The following GRID2 variants were observed in gnomAD, a reference collection of about 807,000 sequenced individuals.
GRID2 encodes the protein glutamate receptor ionotropic, delta-2.
GRID2 carries 33 observed loss-of-function variants against 114.8 expected under a neutral mutation model. That is an observed-to-expected ratio of 0.29 (90% CI 0.22 to 0.38). The LOEUF is 0.38. Among genes scored for constraint, GRID2 ranks in the 10% least tolerant of loss-of-function variants. GRID2 has a pLI of 1.00. For synonymous variants in GRID2, 505 were observed against 449.9 expected (o/e 1.12, Z -1.55); for missense variants, 1,184 against 1,257.7 (o/e 0.94, Z 0.89).
chr4:93,387,476 G>A (rs765092025), intron 8 of GRID2, among the ~76,000 whole-genome samples: 14 of 152,152 alleles, frequency 9.2e-5, no homozygotes, highest in Non-Finnish European at 1.8e-4. Flanking sequence ...AATCTCAGCT[G>A]ATAGCTGGTA....
intron 2 of GRID2, among the ~76,000 whole-genome samples, chr4:92,813,658 GCA>G (rs145988327): frequency 6.6e-6 from 1 of 150,388 alleles, no homozygotes. Context: ...ACACACGCAC[GCA>G]CACACACACA....
At chr4:93,298,023 A>T (rs1380959388) in intron 8 of GRID2, among the ~76,000 whole-genome samples, 1 of 152,134 alleles carries the variant, frequency 6.6e-6, no homozygotes, top group Non-Finnish European at 1.5e-5. Context: ...CCCCTTATCT[A>T]ATTACCTTCT....
At chr4:93,688,988 T>G (rs1250719532) in intron 14 of GRID2, among the ~76,000 whole-genome samples, 1 of 151,994 alleles carries the variant, frequency 6.6e-6, no homozygotes, top group East Asian at 1.9e-4. Context: ...ACGGGGTTTT[T>G]AAAGAGGTAA....
rs138075942 is a variant in GRID2 at position 93,350,995 on chromosome 4, G to T, written c.1246-44612G>T. ...ATCTTACATGGAGGCAGGCAAGAGAGTGTGTGCAGGGGAACTCCCATTTAT... is the reference window on the plus strand; with the variant it reads ...ATCTTACATGGAGGCAGGCAAGAGATTGTGTGCAGGGGAACTCCCATTTAT... On this transcript the variant is annotated intron_variant, in intron 8 of 15. Coordinates refer to ENST00000282020, the MANE Select transcript of GRID2 (RefSeq NM_001510.4). Among the ~76,000 whole-genome samples, 1,395 of 152,124 alleles carry T rather than the reference G, an allele frequency of 9.2e-3. 22 individuals carry two copies. The highest frequency in any genetic ancestry group is 0.032 in the African/African-American group (1,324 of 41,524).
At chr4:92,769,054 G>A (rs1165313147) in intron 2 of GRID2, among the ~76,000 whole-genome samples, 2 of 152,148 alleles carry the variant, frequency 1.3e-5, no homozygotes, top group Non-Finnish European at 2.9e-5. Flanking sequence ...GACAAGGCAA[G>A]CCCCTTCTGC....
At chr4:92,509,887 G>C (rs553121866) in intron 1 of GRID2, among the ~76,000 whole-genome samples, 25 of 151,860 alleles carry the variant, frequency 1.6e-4, no homozygotes, top group Admixed American at 3.9e-4. Context: ...CATTCCAAGG[G>C]ATAAGGGAAG....
chr4:93,445,353 G>A (rs1275717480), intron 10 of GRID2, among the ~76,000 whole-genome samples: 2 of 151,944 alleles, frequency 1.3e-5, no homozygotes, highest in East Asian at 3.9e-4. Flanking sequence ...TGATATTTTG[G>A]GCATTTCTTT....
rs191786891 is a variant in GRID2, at chr4:93,264,528, G to T, written c.1245+26038G>T. Among the ~76,000 whole-genome samples the T allele has an allele frequency of 1.2e-3, 175 of 151,526 alleles. 3 individuals carry two copies. Among genetic ancestry groups the T allele is most frequent in the African/African-American group, 4.2e-3 (173 of 41,322 alleles). On this transcript the variant is annotated intron_variant, in intron 8 of 15. Coordinates refer to ENST00000282020, the MANE Select transcript of GRID2 (RefSeq NM_001510.4). ...TTTAGACTGAAAATCTCTTGGGTAT[G>T]TGAAATCCAAAGCACTTACACGAAG...
intron 1 of GRID2, among the ~76,000 whole-genome samples, chr4:93,799,747 A>G (rs1402636219): frequency 2.0e-5 from 3 of 152,154 alleles, no homozygotes; most frequent in African/African-American, 7.2e-5. Context: ...TTATGTAATT[A>G]AAAGTTTAAT....
intron 2 of GRID2, among the ~76,000 whole-genome samples, chr4:92,738,970 A>G (rs990336948): frequency 6.6e-6 from 1 of 152,080 alleles, no homozygotes; most frequent in African/African-American, 2.4e-5. Flanking sequence ...ACACAGTATG[A>G]TTTTCTTTAA....
intron 4 of GRID2, among the ~76,000 whole-genome samples, chr4:93,149,189 AT>A (rs1736514729): frequency 6.6e-6 from 1 of 152,166 alleles, no homozygotes; most frequent in Non-Finnish European, 1.5e-5. Flanking sequence ...AACAATGCAT[AT>A]AAAATTCAAA....
chr4:93,476,362 A>G (rs1331802311), intron 11 of GRID2, among the ~76,000 whole-genome samples: 1 of 152,172 alleles, frequency 6.6e-6, no homozygotes, highest in Non-Finnish European at 1.5e-5. Context: ...ATTGCAGTGT[A>G]TCCCTCAATC....
intron 2 of GRID2, among the ~76,000 whole-genome samples, chr4:92,627,999 A>G (rs1191510870): frequency 2.0e-5 from 3 of 152,154 alleles, no homozygotes; most frequent in African/African-American, 7.2e-5. Context: ...TTTCCACCAT[A>G]CTAATACAGA....
chr4:92,390,635 G>A (rs778003899), intron 1 of GRID2, among the ~76,000 whole-genome samples: 3 of 152,242 alleles, frequency 2.0e-5, no homozygotes, highest in East Asian at 3.9e-4. Flanking sequence ...TAATATAATT[G>A]AAAGGCTATC....
chr4:93,536,470 A>G (rs1732088678), intron 13 of GRID2, among the ~76,000 whole-genome samples: 1 of 151,848 alleles, frequency 6.6e-6, no homozygotes, highest in South Asian at 2.1e-4. Flanking sequence ...AAGTCTCTTT[A>G]ATAGTGTTAG....
intron 1 of GRID2, among the ~76,000 whole-genome samples, chr4:92,582,099 G>A (rs1019838147): frequency 7.2e-5 from 11 of 152,042 alleles, no homozygotes; most frequent in East Asian, 1.9e-4. Context: ...GGAAAATAAC[G>A]AGCCAGATAG....
chr4:92,464,586 AAAG>A (rs934618884), intron 1 of GRID2, among the ~76,000 whole-genome samples: 39 of 152,124 alleles, frequency 2.6e-4, no homozygotes, highest in African/African-American at 8.2e-4. Context: ...ATCCTTAAAA[AAAG>A]GTAATACATG....
At chr4:92,640,152 CA>C (rs946915135) in intron 2 of GRID2, among the ~76,000 whole-genome samples, 12 of 151,568 alleles carry the variant, frequency 7.9e-5, no homozygotes, top group Non-Finnish European at 3.0e-5. Flanking sequence ...CCGTTTTACA[CA>C]AAATGGGCTA....
intron 1 of GRID2, among the ~76,000 whole-genome samples, chr4:92,338,635 C>T (rs976050106): frequency 6.6e-6 from 1 of 151,966 alleles, no homozygotes; most frequent in Non-Finnish European, 1.5e-5. Context: ...ACATAGCTAT[C>T]TATCTAAAAC....
Sources: allele counts gnomAD v4.1 joint callset (sites outside exome capture counted in the v4.1 genomes callset), GRCh38; gene constraint gnomAD v4.1.1; transcripts MANE v1.5; gene names NCBI Gene and HGNC (gene_info 2026-07-23, HGNC 2026-07-21).